The following TP63 variants were observed in gnomAD, a reference collection of about 807,000 sequenced individuals.
The protein encoded by TP63 is tumor protein p63.
Under a neutral mutation model 82.8 loss-of-function variants are expected in TP63, and 17 were observed. The observed-to-expected ratio is 0.21, with a 90% confidence interval of 0.14 to 0.31. The LOEUF is 0.31. TP63 is among the 10% of genes least tolerant of loss of function. TP63 has a pLI of 1.00. For synonymous variants in TP63, 330 were observed against 321.7 expected (o/e 1.03, Z -0.28); for missense variants, 648 against 895.3 (o/e 0.72, Z 3.52).
intron 1 of TP63, among the ~76,000 whole-genome samples, chr3:189,673,363 C>T (rs79246760): frequency 0.039 from 5,992 of 152,100 alleles, 148 homozygotes; most frequent in Middle Eastern, 0.054. Context: ...TGGCAATTAT[C>T]TTCAATATTA....
chr3:189,786,444 TAAAC>T (rs1419770883), intron 3 of TP63, among the ~76,000 whole-genome samples: 4 of 99,914 alleles, frequency 4.0e-5, no homozygotes, highest in Non-Finnish European at 8.2e-5. Context: ...CAGACATACC[TAAAC>T]ACACACACAC....
At chr3:189,636,218 C>G (rs1006186577) in intron 1 of TP63, among the ~76,000 whole-genome samples, 2 of 152,140 alleles carry the variant, frequency 1.3e-5, no homozygotes, top group African/African-American at 4.8e-5. Context: ...CCATGCGCTG[C>G]GTCTGAGCGG....
intron 1 of TP63, among the ~76,000 whole-genome samples, chr3:189,678,542 G>A (rs1715642291): frequency 6.6e-6 from 1 of 151,852 alleles, no homozygotes; most frequent in Admixed American, 6.6e-5. Flanking sequence ...TGTTCTTTTT[G>A]CTAAGGATTG....
intron 4 of TP63, among the ~76,000 whole-genome samples, chr3:189,853,318 A>G (rs1489646387): frequency 2.0e-5 from 3 of 152,306 alleles, no homozygotes; most frequent in Admixed American, 2.0e-4. Flanking sequence ...AAAAAAGCTC[A>G]AGACCCGTCC....
At chr3:189,848,413 C>A (rs1186054649) in intron 4 of TP63, among the ~76,000 whole-genome samples, 1 of 150,998 alleles carries the variant, frequency 6.6e-6, no homozygotes, top group African/African-American at 2.4e-5. Flanking sequence ...TAGGCAGAGT[C>A]TTCTTGTATT....
intron 12 of TP63, 37 bp from the exon 13 acceptor site, chr3:189,890,752 T>C: frequency 1.9e-6 from 3 of 1,599,960 alleles, no homozygotes; most frequent in Non-Finnish European, 2.6e-6. Context: ...ACTTTCTTTT[T>C]CTGTTTCCTC....
chr3:189,668,996 C>A (rs1028219507), intron 1 of TP63, among the ~76,000 whole-genome samples: 4 of 146,522 alleles, frequency 2.7e-5, no homozygotes, highest in Non-Finnish European at 4.5e-5. Context: ...AAATTCATTT[C>A]TTTAAAGCTA....
chr3:189,875,545 AAC>A (rs1167729540), intron 10 of TP63, among the ~76,000 whole-genome samples: 4 of 143,366 alleles, frequency 2.8e-5, no homozygotes, highest in Non-Finnish European at 3.0e-5. Flanking sequence ...CAGCCTGGGC[AAC>A]AGAGAGAGAC....
intron 4 of TP63, among the ~76,000 whole-genome samples, chr3:189,848,740 A>G (rs1176063506): frequency 2.0e-5 from 3 of 152,238 alleles, no homozygotes; most frequent in Non-Finnish European, 4.4e-5. Flanking sequence ...ACCCAAATTT[A>G]GTTGTGCAAC....
chr3:189,788,969 A>G (rs1156260520), intron 3 of TP63, among the ~76,000 whole-genome samples: 8 of 151,592 alleles, frequency 5.3e-5, no homozygotes, highest in South Asian at 2.1e-4. Context: ...GAAAGGACAC[A>G]TTTATCAGGA....
chr3:189,818,274 C>T lies in TP63; in HGVS notation c.579+9748C>T, dbSNP rs917375651. Among the ~76,000 whole-genome samples the T allele has an allele frequency of 4.9e-4, 74 of 151,904 alleles. 1 individual carries two copies. The highest frequency in any genetic ancestry group is 3.1e-4 in the Non-Finnish European group (21 of 67,902). ...ATTATGGATAAAATTTCTGACCAAGCTATTGTCATCAAGTAAGTAATAGAT... is the reference window on the plus strand; with the variant it reads ...ATTATGGATAAAATTTCTGACCAAGTTATTGTCATCAAGTAAGTAATAGAT... On this transcript the variant is annotated intron_variant, in intron 4 of 13. Transcript: ENST00000264731.
At chr3:189,747,000 G>A (rs1167468729) in intron 3 of TP63, among the ~76,000 whole-genome samples, 12 of 149,320 alleles carry the variant, frequency 8.0e-5, no homozygotes, top group African/African-American at 2.4e-4. Context: ...AAAAAAAAAA[G>A]AAACAAAGGT....
chr3:189,893,146 A>G (rs984907673), intron 13 of TP63, among the ~76,000 whole-genome samples: 2 of 152,252 alleles, frequency 1.3e-5, no homozygotes, highest in African/African-American at 4.8e-5. Flanking sequence ...TGAGGTAACA[A>G]TACAACATAA....
intron 3 of TP63, among the ~76,000 whole-genome samples, chr3:189,795,487 A>G (rs564419840): frequency 1.4e-4 from 22 of 152,152 alleles, no homozygotes; most frequent in African/African-American, 4.8e-4. Flanking sequence ...AATATTTTAT[A>G]TGGTTTGAGA....
intron 1 of TP63, among the ~76,000 whole-genome samples, chr3:189,736,706 G>T (rs1464348764): frequency 6.6e-6 from 1 of 152,032 alleles, no homozygotes; most frequent in African/African-American, 2.4e-5. Context: ...ATTGCAGGTA[G>T]CTTGGAAATC....
chr3:189,659,446 C>T (rs1027290671), intron 1 of TP63, among the ~76,000 whole-genome samples: 2 of 151,972 alleles, frequency 1.3e-5, no homozygotes, highest in Non-Finnish European at 2.9e-5. Context: ...TTTTCTTTAT[C>T]TAATCCACTA....
rs370814922 is a variant in TP63, at chr3:189,762,122, T to C, written c.324+23348T>C. Among the ~76,000 whole-genome samples, 17 of 152,270 alleles carry C rather than the reference T, an allele frequency of 1.1e-4. No individual in the cohort carries two copies. The South Asian group carries it at 1.2e-3, about 11-fold the overall frequency. On this transcript the variant is annotated intron_variant, in intron 3 of 13. Transcript: ENST00000264731. Reference sequence around the variant, plus strand: ...TCAGAACTTTAAAATATACTAGACTTTCAGTTAATTTCTTCAGGATTGGGA... The same window carrying C: ...TCAGAACTTTAAAATATACTAGACTCTCAGTTAATTTCTTCAGGATTGGGA...
intron 3 of TP63, among the ~76,000 whole-genome samples, chr3:189,744,336 T>C (rs1411305310): frequency 2.0e-5 from 3 of 152,180 alleles, no homozygotes; most frequent in Non-Finnish European, 4.4e-5. Flanking sequence ...GTGTAGCTGC[T>C]GTGGCCCTTA....
chr3:189,683,772 C>G (rs1169407670), intron 1 of TP63, among the ~76,000 whole-genome samples: 1 of 152,180 alleles, frequency 6.6e-6, no homozygotes, highest in Non-Finnish European at 1.5e-5. Flanking sequence ...GCCTGCCAAT[C>G]CTACCCTCTC....
Sources: allele counts gnomAD v4.1 joint callset (sites outside exome capture counted in the v4.1 genomes callset), GRCh38; gene constraint gnomAD v4.1.1; transcripts MANE v1.5; gene names NCBI Gene and HGNC (gene_info 2026-07-23, HGNC 2026-07-21).